The following CALD1 variants were observed in gnomAD, a reference collection of about 807,000 sequenced individuals.
CALD1 encodes caldesmon.
CALD1 carries 33 observed loss-of-function variants against 99.9 expected under a neutral mutation model. That is an observed-to-expected ratio of 0.33 (90% confidence interval 0.25 to 0.44). CALD1 has a LOEUF of 0.44. Ranked by LOEUF, CALD1 falls within the 20% of genes least tolerant of loss-of-function variation. The probability of loss-of-function intolerance (pLI) is 1.00; values close to 1 mark genes in which losing one functional copy is unlikely to be tolerated. For synonymous variants in CALD1, 310 were observed against 325.0 expected, an observed-to-expected ratio of 0.95 and a Z score of 0.50; for missense variants, 861 against 962.1, an observed-to-expected ratio of 0.89 and a Z score of 1.39.
At chr7:134,835,545 A>T (rs1032273813) in intron 1 of CALD1, among the ~76,000 whole-genome samples, 1 of 152,252 alleles carries the variant, frequency 6.6e-6, no homozygotes, top group Non-Finnish European at 1.5e-5. Context: ...ACTTTAAACA[A>T]ACAAGAACAT....
At chr7:134,754,801 A>G (rs1205770203) in intron 1 of CALD1, among the ~76,000 whole-genome samples, 1 of 152,228 alleles carries the variant, frequency 6.6e-6, no homozygotes, top group Non-Finnish European at 1.5e-5. Flanking sequence ...ATTACAAACA[A>G]TTGTATAAAT....
intron 14 of CALD1, among the ~76,000 whole-genome samples, chr7:134,967,551 G>A (rs1407263565): frequency 6.6e-6 from 1 of 152,140 alleles, no homozygotes; most frequent in East Asian, 1.9e-4. Flanking sequence ...GTAAGAATAG[G>A]AGGGAGAAAA....
the CALD1 span, among the ~76,000 whole-genome samples, chr7:134,731,709 C>T: frequency 2.0e-5 from 3 of 151,854 alleles, no homozygotes; most frequent in Admixed American, 1.3e-4. Flanking sequence ...TGCTATTGAC[C>T]TTTTTTTGCA....
At position 134,928,891 on chromosome 7, in the gene CALD1, C is replaced by A. The variant is rs749010560; in HGVS notation, c.209C>A (p.Ala70Asp). Reference sequence around the variant, plus strand: ...GTGACCGACCAGGTGGAGGTGAATGCCCAGAACAGGTACTGTCCTCTTTGG... The same window carrying A: ...GTGACCGACCAGGTGGAGGTGAATGACCAGAACAGGTACTGTCCTCTTTGG... ...GQVTDQVEVN[A>D]QNSVPDEEAK... Residue 70 changes from alanine to aspartate, a missense_variant, in exon 4 of 15, where the codon GCC becomes GAC. Ala to Asp is a moderately radical substitution (Grantham distance 126). Around this residue, in one of 5 missense-constraint regions of CALD1, gnomAD observed 123 missense variants for 169.8 expected, o/e 0.72. Coordinates refer to ENST00000361675, the MANE Select transcript of CALD1 (RefSeq NM_033138.4). 9.3e-6 allele frequency: 15 copies of A among 1,612,270 alleles called. No homozygotes were observed. Among genetic ancestry groups the A allele is most frequent in the Non-Finnish European group, 1.2e-5 (14 of 1,179,194 alleles).
chr7:134,742,016 T>TACACACAC (rs112633191), upstream of CALD1, among the ~76,000 whole-genome samples: 8,043 of 147,888 alleles, frequency 0.054, 303 homozygotes, highest in East Asian at 0.21. Context: ...GAGGTATTGA[T>TACACACAC]ACACACACAC....
the CALD1 span, among the ~76,000 whole-genome samples, chr7:134,729,070 C>T: frequency 0.53 from 80,806 of 151,726 alleles, 22,862 homozygotes; most frequent in East Asian, 0.82. Flanking sequence ...CAGGCTGATC[C>T]TGAACTCCTG....
At chr7:134,727,924 A>C in the CALD1 span, among the ~76,000 whole-genome samples, 110,366 of 152,050 alleles carry the variant, frequency 0.73, 41,432 homozygotes, top group East Asian at 0.99. Flanking sequence ...GCTAATGAGT[A>C]GATTTTAGTC....
chr7:134,748,879 A>T lies in CALD1; in HGVS notation c.-130+4516A>T, dbSNP rs1331693565. Among the ~76,000 whole-genome samples the T allele has an allele frequency of 2.6e-5, 4 of 152,132 alleles. No individual in the cohort carries two copies. The East Asian group carries it at 7.7e-4, about 29-fold the overall frequency. On this transcript the variant is annotated intron_variant, in intron 1 of 13. Transcript: ENST00000417172. The stretch of plus-strand genomic sequence containing the variant: ...ACTGCCTCTGGGAGGTGATTAGGTC[A>T]TCAGAGCAGTCCTCATGTATGGGAT...
chr7:134,958,558 A>G (rs898585251), intron 11 of CALD1, among the ~76,000 whole-genome samples: 1 of 151,718 alleles, frequency 6.6e-6, no homozygotes, highest in African/African-American at 2.4e-5. Context: ...GGGGCCCACC[A>G]CCACACTTGG....
At chr7:134,799,653 C>T (rs1363632345) in intron 1 of CALD1, among the ~76,000 whole-genome samples, 24 of 152,116 alleles carry the variant, frequency 1.6e-4, no homozygotes, top group Admixed American at 1.6e-3. Flanking sequence ...TACCACTAGA[C>T]TTTTACAGAG....
At chr7:134,755,002 T>A (rs1181883374) in intron 1 of CALD1, among the ~76,000 whole-genome samples, 5 of 151,656 alleles carry the variant, frequency 3.3e-5, no homozygotes, top group African/African-American at 7.3e-5. Context: ...TTACTTTTTT[T>A]TTATTATTAT....
chr7:134,766,822 T>C (rs1796830334), intron 1 of CALD1, among the ~76,000 whole-genome samples: 1 of 151,924 alleles, frequency 6.6e-6, no homozygotes, highest in African/African-American at 2.4e-5. Flanking sequence ...GAGTTAGGGA[T>C]CGTGGCGGGC....
At chr7:134,824,092 A>G (rs1798890582) in intron 1 of CALD1, among the ~76,000 whole-genome samples, 1 of 152,182 alleles carries the variant, frequency 6.6e-6, no homozygotes, top group East Asian at 1.9e-4. Flanking sequence ...TTCATATGCT[A>G]TTTCCTAGGC....
chr7:134,823,496 T>TC (rs896947362), intron 1 of CALD1, among the ~76,000 whole-genome samples: 18 of 152,142 alleles, frequency 1.2e-4, no homozygotes, highest in African/African-American at 4.1e-4. Context: ...TGTGTTCTTT[T>TC]CCCCCCGTCT....
chr7:134,778,342 A>C (rs1346576422), upstream of CALD1, among the ~76,000 whole-genome samples: 1 of 152,224 alleles, frequency 6.6e-6, no homozygotes, highest in Admixed American at 6.5e-5. Context: ...ATCATTTCTA[A>C]GTCACATCTT....
At chr7:134,856,176 G>A (rs78837238) in intron 2 of CALD1, among the ~76,000 whole-genome samples, 2,874 of 152,250 alleles carry the variant, frequency 0.019, 95 homozygotes, top group African/African-American at 0.065. Context: ...TGCCTTCCAC[G>A]TATAGTACAG....
chr7:134,907,558 G>C (rs1376722093), intron 3 of CALD1, among the ~76,000 whole-genome samples: 3 of 152,068 alleles, frequency 2.0e-5, no homozygotes, highest in African/African-American at 7.3e-5. Context: ...CAACTGCCTG[G>C]AAGCATGCAA....
At chr7:134,912,620 T>C (rs1803899960) in intron 3 of CALD1, among the ~76,000 whole-genome samples, 1 of 152,278 alleles carries the variant, frequency 6.6e-6, no homozygotes, top group African/African-American at 2.4e-5. Context: ...AATGGCAGCA[T>C]TTTTTTGTGA....
At chr7:134,874,060 A>G (rs868754697) in intron 3 of CALD1, among the ~76,000 whole-genome samples, 32 of 152,238 alleles carry the variant, frequency 2.1e-4, no homozygotes, top group African/African-American at 6.5e-4. Context: ...GTGATCGGTA[A>G]CAGTTTTTGA....
Sources: gnomAD v4.1 joint callset for allele counts (sites outside exome capture counted in the v4.1 genomes callset) on GRCh38, gnomAD v4.1.1 for gene constraint, gnomAD v4.1.1 regional missense constraint, MANE v1.5 for transcripts, NCBI Gene and HGNC (gene_info 2026-07-23, HGNC 2026-07-21) for gene names.